Variants in CACNA2D1 observed in about 807,000 individuals in gnomAD.
CACNA2D1 encodes the protein voltage-dependent calcium channel subunit alpha-2/delta-1.
A neutral mutation model predicts 171.5 loss-of-function variants in CACNA2D1; 53 were observed. That is an observed-to-expected ratio of 0.31 (90% CI 0.25 to 0.39). The LOEUF is 0.39. Among genes scored for constraint, CACNA2D1 ranks in the 10% least tolerant of loss-of-function variants. The probability of loss-of-function intolerance (pLI) is 1.00; values close to 1 mark genes in which losing one functional copy is unlikely to be tolerated. For synonymous variants in CACNA2D1, 442 were observed against 443.1 expected (o/e 1.00, Z 0.03); for missense variants, 903 against 1,299.8 (o/e 0.69, Z 4.69).
intron 1 of CACNA2D1, among the ~76,000 whole-genome samples, chr7:82,367,630 A>G (rs1821892566): frequency 6.6e-6 from 1 of 152,176 alleles, no homozygotes; most frequent in Admixed American, 6.5e-5. Flanking sequence ...CCAGAAGTCA[A>G]AAGCACTTAT....
chr7:82,155,493 TATACC>T (rs1794288376), intron 4 of CACNA2D1, among the ~76,000 whole-genome samples: 3 of 152,120 alleles, frequency 2.0e-5, no homozygotes, highest in South Asian at 2.1e-4. Flanking sequence ...ACACTACAAA[TATACC>T]ATACATTTTT....
chr7:82,440,917 C>T (rs1400666152), intron 1 of CACNA2D1, among the ~76,000 whole-genome samples: 1 of 151,334 alleles, frequency 6.6e-6, no homozygotes, highest in East Asian at 1.9e-4. Context: ...TCTTCCTCTT[C>T]AGCTGATAAA....
chr7:82,127,715 A>G (rs1408556332), intron 5 of CACNA2D1, among the ~76,000 whole-genome samples: 3 of 152,186 alleles, frequency 2.0e-5, no homozygotes, highest in Non-Finnish European at 4.4e-5. Flanking sequence ...TTTTAAGTAA[A>G]GCACTTGATT....
intron 10 of CACNA2D1, among the ~76,000 whole-genome samples, chr7:82,056,861 G>A (rs968874106): frequency 6.6e-6 from 1 of 152,030 alleles, no homozygotes; most frequent in African/African-American, 2.4e-5. Context: ...GATTTATCGT[G>A]GGATACTGAA....
intron 1 of CACNA2D1, among the ~76,000 whole-genome samples, chr7:82,403,164 C>T (rs374949838): frequency 2.0e-5 from 3 of 151,928 alleles, no homozygotes; most frequent in Non-Finnish European, 2.9e-5. Context: ...GAAGAGAGGA[C>T]GGAGATAAAA....
intron 1 of CACNA2D1, among the ~76,000 whole-genome samples, chr7:82,350,355 G>C (rs1433409076): frequency 1.3e-5 from 2 of 152,072 alleles, no homozygotes; most frequent in African/African-American, 4.8e-5. Context: ...ATATCTTAGA[G>C]CCTGAAGCTT....
chr7:82,063,851 A>C (rs1348399046), intron 9 of CACNA2D1, among the ~76,000 whole-genome samples: 1 of 151,598 alleles, frequency 6.6e-6, no homozygotes, highest in African/African-American at 2.4e-5. Context: ...TTCACTTTTA[A>C]AAGTCCCAGA....
intron 6 of CACNA2D1, among the ~76,000 whole-genome samples, chr7:82,103,376 A>C (rs2129038660): frequency 6.6e-6 from 1 of 152,308 alleles, no homozygotes; most frequent in African/African-American, 2.4e-5. Flanking sequence ...AAATGAAGCA[A>C]AAGGTCTATT....
At chr7:82,329,765 CA>C (rs1169119511) in intron 3 of CACNA2D1, among the ~76,000 whole-genome samples, 1 of 151,692 alleles carries the variant, frequency 6.6e-6, no homozygotes, top group Non-Finnish European at 1.5e-5. Flanking sequence ...ATAGACGTAG[CA>C]AATGTCAGAA....
At chr7:82,233,429 CT>C (rs987021049) in intron 3 of CACNA2D1, among the ~76,000 whole-genome samples, 2 of 152,084 alleles carry the variant, frequency 1.3e-5, no homozygotes, top group African/African-American at 4.8e-5. Context: ...AGAAATCATG[CT>C]TTTAACACCA....
At chr7:82,256,731 G>A (rs968317479) in intron 3 of CACNA2D1, among the ~76,000 whole-genome samples, 1 of 152,100 alleles carries the variant, frequency 6.6e-6, no homozygotes, top group African/African-American at 2.4e-5. Context: ...GACCCTTAAT[G>A]GAACCATTCA....
chr7:82,320,330 TAAAC>T (rs1815655512), intron 3 of CACNA2D1, among the ~76,000 whole-genome samples: 5 of 151,990 alleles, frequency 3.3e-5, no homozygotes, highest in Non-Finnish European at 4.4e-5. Context: ...TATTTAAAAA[TAAAC>T]AAAAAAGAGA....
chr7:82,417,007 A>G (rs1331692724), intron 1 of CACNA2D1, among the ~76,000 whole-genome samples: 11 of 152,208 alleles, frequency 7.2e-5, no homozygotes, highest in Non-Finnish European at 1.2e-4. Flanking sequence ...GATCCAGCAT[A>G]TGAAGAGGCA....
At chr7:81,956,231 C>T (rs1425646609) in intron 38 of CACNA2D1, among the ~76,000 whole-genome samples, 2 of 151,758 alleles carry the variant, frequency 1.3e-5, no homozygotes, top group Non-Finnish European at 2.9e-5. Flanking sequence ...ACCTCGGCCT[C>T]CCAAAGTGCT....
chr7:81,968,864 T>C, intron 29 of CACNA2D1, 23 bp downstream of exon 29: 1 of 1,173,070 alleles, frequency 8.5e-7, no homozygotes, highest in African/African-American at 1.5e-5. Context: ...GATTGTGTTT[T>C]TGTATTTAAT....
At chr7:82,438,153 T>C (rs1188551668) in intron 1 of CACNA2D1, among the ~76,000 whole-genome samples, 1 of 152,186 alleles carries the variant, frequency 6.6e-6, no homozygotes, top group Non-Finnish European at 1.5e-5. Context: ...TTAATTGTCT[T>C]GGCAAATCAT....
At chr7:82,174,198 T>A (rs1182756720) in intron 3 of CACNA2D1, among the ~76,000 whole-genome samples, 1 of 151,860 alleles carries the variant, frequency 6.6e-6, no homozygotes, top group African/African-American at 2.4e-5. Flanking sequence ...CAGAACACTT[T>A]TCTGATTTAT....
intron 32 of CACNA2D1, among the ~76,000 whole-genome samples, chr7:81,964,966 TA>T (rs1377292844): frequency 6.6e-6 from 1 of 151,674 alleles, no homozygotes; most frequent in African/African-American, 2.4e-5. Flanking sequence ...AAAAGTGGCA[TA>T]AATGAGAGAG....
intron 10 of CACNA2D1, among the ~76,000 whole-genome samples, chr7:82,056,143 A>G (rs1292416212): frequency 2.0e-5 from 3 of 151,894 alleles, no homozygotes; most frequent in Non-Finnish European, 4.4e-5. Flanking sequence ...ACCAGAAGAT[A>G]CTGAGATAAT....
Sources: gnomAD v4.1 joint callset for allele counts (sites outside exome capture counted in the v4.1 genomes callset) on GRCh38, gnomAD v4.1.1 for gene constraint, MANE v1.5 for transcripts, NCBI Gene and HGNC (gene_info 2026-07-23, HGNC 2026-07-21) for gene names.